The following OXR1 variants were observed in gnomAD, a reference collection of about 807,000 sequenced individuals.
OXR1 encodes oxidation resistance 1, also known as oxidation resistance protein 1.
OXR1 carries 41 observed loss-of-function variants against 104.6 expected under a neutral mutation model. The ratio of observed to expected loss-of-function variants is 0.39; its 90% CI spans 0.31 to 0.51. The LOEUF (loss-of-function observed/expected upper bound fraction) is 0.51, where lower values mean the gene tolerates loss of function less well. OXR1 is among the 20% of genes least tolerant of loss of function. OXR1 has a pLI of 0.77. For missense variants in OXR1, 955 were observed against 1,031.9 expected (o/e 0.93, Z 1.02); for synonymous variants, 348 against 348.4 (o/e 1.00, Z 0.01).
intron 11 of OXR1, among the ~76,000 whole-genome samples, chr8:106,727,666 C>G (rs907767106): frequency 6.6e-6 from 1 of 152,282 alleles, no homozygotes; most frequent in Middle Eastern, 3.4e-3. Context: ...CTCAGGAGAT[C>G]TACCTGCCTT....
intron 3 of OXR1, among the ~76,000 whole-genome samples, chr8:106,644,461 T>G (rs1335056154): frequency 6.6e-6 from 1 of 152,168 alleles, no homozygotes. Flanking sequence ...GAAATAGGTG[T>G]ATATTTCTTG....
chr8:106,399,945 T>C (rs1329768718), intron 2 of OXR1, among the ~76,000 whole-genome samples: 1 of 152,162 alleles, frequency 6.6e-6, no homozygotes, highest in Non-Finnish European at 1.5e-5. Flanking sequence ...TTGTTTCTGA[T>C]TAATTAAAGA....
At chr8:106,657,006 G>A (rs926315739) in intron 3 of OXR1, among the ~76,000 whole-genome samples, 5 of 152,008 alleles carry the variant, frequency 3.3e-5, no homozygotes, top group East Asian at 1.9e-4. Flanking sequence ...AAGAAAGAGG[G>A]TTTAATTTAT....
intron 1 of OXR1, among the ~76,000 whole-genome samples, chr8:106,299,237 A>T (rs139947824): frequency 6.6e-4 from 101 of 151,942 alleles, no homozygotes; most frequent in Middle Eastern, 3.4e-3. Flanking sequence ...TTTAACAGAG[A>T]GAAAGATAAG....
At chr8:106,347,183 A>G (rs1203857977) in intron 1 of OXR1, among the ~76,000 whole-genome samples, 9 of 152,258 alleles carry the variant, frequency 5.9e-5, no homozygotes, top group Admixed American at 5.9e-4. Context: ...GTTTAAGAGA[A>G]GCCAATTGAT....
At chr8:106,739,695 C>T in intron 13 of OXR1, 112 bp downstream of exon 13, 1 of 962,382 alleles carries the variant, frequency 1.0e-6, no homozygotes, top group South Asian at 1.7e-5. Flanking sequence ...ATTACTATTC[C>T]ACTCCAGTGA....
At chr8:106,653,970 AAT>A (rs1246401586) in intron 3 of OXR1, among the ~76,000 whole-genome samples, 1 of 152,084 alleles carries the variant, frequency 6.6e-6, no homozygotes, top group African/African-American at 2.4e-5. Flanking sequence ...ATCTATTCAC[AAT>A]ATCAACAAAA....
At position 106,510,855 on chromosome 8, in the gene OXR1, A is replaced by T. The variant is rs567883027; in HGVS notation, c.24-8088A>T. On this transcript the variant is annotated intron_variant, in intron 2 of 16. Coordinates refer to ENST00000517566, the MANE Select transcript of OXR1 (RefSeq NM_001198533.2). ...GAAACACATCTTGTTATAACAAACT[A>T]TCTAGTTTCAGCATCCCATTAACTG... Among the ~76,000 whole-genome samples the T allele has an allele frequency of 2.6e-5, 4 of 152,316 alleles. No individual in the cohort carries two copies. In the South Asian group the frequency reaches 8.3e-4, roughly 32 times the overall value.
chr8:106,373,066 A>C (rs1816773479), intron 2 of OXR1, among the ~76,000 whole-genome samples: 1 of 152,228 alleles, frequency 6.6e-6, no homozygotes, highest in Admixed American at 6.5e-5. Flanking sequence ...TTGAATCCAC[A>C]TGAATGAAGT....
At chr8:106,630,132 A>G (rs1446356462) in intron 3 of OXR1, among the ~76,000 whole-genome samples, 4 of 152,180 alleles carry the variant, frequency 2.6e-5, no homozygotes, top group Non-Finnish European at 5.9e-5. Flanking sequence ...ATAAAAGGCA[A>G]ATAAAGCCTG....
intron 3 of OXR1, among the ~76,000 whole-genome samples, chr8:106,669,934 A>G (rs1241566804): frequency 6.6e-6 from 1 of 152,264 alleles, no homozygotes; most frequent in African/African-American, 2.4e-5. Context: ...AAAGCTGGAC[A>G]CAAAGCAAAC....
At chr8:106,549,466 T>C (rs540229172) in intron 3 of OXR1, among the ~76,000 whole-genome samples, 1 of 152,352 alleles carries the variant, frequency 6.6e-6, no homozygotes, top group African/African-American at 2.4e-5. Context: ...TTAAAAGCTT[T>C]GAAGTTTTAT....
At chr8:106,280,766 T>A (rs1244509760) in intron 1 of OXR1, among the ~76,000 whole-genome samples, 2 of 152,034 alleles carry the variant, frequency 1.3e-5, no homozygotes, top group Admixed American at 6.6e-5. Flanking sequence ...TTAAAAAAAA[T>A]TAAACATGTA....
intron 3 of OXR1, among the ~76,000 whole-genome samples, chr8:106,553,536 T>C (rs1816036233): frequency 6.6e-6 from 1 of 152,080 alleles, no homozygotes; most frequent in Non-Finnish European, 1.5e-5. Flanking sequence ...CCCAGGTTGG[T>C]CTTGAGCTCC....
At chr8:106,469,381 A>G (rs1410979030) in intron 2 of OXR1, among the ~76,000 whole-genome samples, 2 of 151,828 alleles carry the variant, frequency 1.3e-5, no homozygotes, top group Non-Finnish European at 2.9e-5. Context: ...GCCCTGGGCC[A>G]TATGTCTACT....
At chr8:106,637,890 T>C (rs1823284766) in intron 3 of OXR1, among the ~76,000 whole-genome samples, 1 of 151,464 alleles carries the variant, frequency 6.6e-6, no homozygotes, top group Non-Finnish European at 1.5e-5. Flanking sequence ...GCCTCCTGAG[T>C]AGCTGGGACT....
chr8:106,616,827 G>A (rs1410765122), intron 3 of OXR1, among the ~76,000 whole-genome samples: 4 of 152,106 alleles, frequency 2.6e-5, no homozygotes, highest in East Asian at 1.9e-4. Flanking sequence ...ATTTACCCCT[G>A]AAGCCCACCT....
intron 2 of OXR1, among the ~76,000 whole-genome samples, chr8:106,383,501 T>G (rs1052606935): frequency 6.6e-6 from 1 of 152,190 alleles, no homozygotes; most frequent in Admixed American, 6.5e-5. Context: ...ATGAAGAAAT[T>G]GATGCAATGC....
chr8:106,411,981 C>T (rs574282345), intron 2 of OXR1, among the ~76,000 whole-genome samples: 3 of 152,198 alleles, frequency 2.0e-5, no homozygotes, highest in African/African-American at 7.2e-5. Context: ...TTTTCTTATC[C>T]CCAGCTTCTC....
Sources: allele counts gnomAD v4.1 joint callset (sites outside exome capture counted in the v4.1 genomes callset), GRCh38; gene constraint gnomAD v4.1.1; transcripts MANE v1.5; gene names NCBI Gene and HGNC (gene_info 2026-07-23, HGNC 2026-07-21).